DNM3: variants seen among roughly 807,000 people sequenced by gnomAD.
DNM3 encodes the protein dynamin 3.
In DNM3, 47 loss-of-function variants were observed where a neutral mutation model predicts 101.6. That is an observed-to-expected ratio of 0.46 (90% CI 0.37 to 0.59). The LOEUF is 0.59. Ranked by LOEUF, DNM3 falls within the 20% of genes least tolerant of loss-of-function variation. The pLI is 0.00. For synonymous variants in DNM3, 385 were observed against 387.9 expected (o/e 0.99, Z 0.09); for missense variants, 849 against 1,085.7 (o/e 0.78, Z 3.06).
chr1:172,076,868 T>A (rs1396549220), intron 11 of DNM3, among the ~76,000 whole-genome samples: 1 of 152,218 alleles, frequency 6.6e-6, no homozygotes, highest in Non-Finnish European at 1.5e-5. Context: ...TTCTATTGTT[T>A]GGAATAGTTT....
At chr1:171,848,833 C>G (rs1197405891) in intron 1 of DNM3, among the ~76,000 whole-genome samples, 1 of 152,080 alleles carries the variant, frequency 6.6e-6, no homozygotes, top group Non-Finnish European at 1.5e-5. Flanking sequence ...AAAAACAGAG[C>G]AGTTGTTGAG....
At chr1:171,868,415 C>T (rs2034965194) in intron 1 of DNM3, among the ~76,000 whole-genome samples, 1 of 152,104 alleles carries the variant, frequency 6.6e-6, no homozygotes, top group South Asian at 2.1e-4. Context: ...ATACTTGGTA[C>T]CCAGCCAAGT....
chr1:172,057,814 A>G (rs1032329033), intron 10 of DNM3, among the ~76,000 whole-genome samples: 30 of 151,080 alleles, frequency 2.0e-4, no homozygotes, highest in Non-Finnish European at 4.3e-4. Flanking sequence ...AGCTATCATC[A>G]TAATGACAGG....
intron 17 of DNM3, among the ~76,000 whole-genome samples, chr1:172,329,279 C>T (rs764885951): frequency 2.0e-5 from 3 of 151,368 alleles, no homozygotes; most frequent in Admixed American, 6.6e-5. Context: ...TATTGAATGT[C>T]TGGTAAAATA....
At chr1:172,219,423 T>C (rs1323413974) in intron 14 of DNM3, among the ~76,000 whole-genome samples, 2 of 148,052 alleles carry the variant, frequency 1.4e-5, no homozygotes, top group Non-Finnish European at 3.0e-5. Flanking sequence ...TCAAGAGTTC[T>C]AATATGTAAA....
intron 11 of DNM3, among the ~76,000 whole-genome samples, chr1:172,074,911 A>C (rs996719819): frequency 6.6e-6 from 1 of 152,210 alleles, no homozygotes; most frequent in African/African-American, 2.4e-5. Context: ...ACAATGGTTG[A>C]ACTAATTTAC....
chr1:172,395,934 G>T (rs181704652), intron 20 of DNM3, among the ~76,000 whole-genome samples: 1 of 152,276 alleles, frequency 6.6e-6, no homozygotes, highest in East Asian at 1.9e-4. Context: ...GTGCATTGAT[G>T]CCACATTAAG....
intron 2 of DNM3, among the ~76,000 whole-genome samples, chr1:171,962,274 A>T (rs918625990): frequency 6.6e-6 from 1 of 152,226 alleles, no homozygotes; most frequent in African/African-American, 2.4e-5. Flanking sequence ...CAGTTTATAG[A>T]CACATTCAAA....
intron 1 of DNM3, among the ~76,000 whole-genome samples, chr1:171,883,362 ACCAC>A (rs2036459016): frequency 3.4e-5 from 3 of 87,508 alleles, no homozygotes; most frequent in Non-Finnish European, 6.5e-5. Context: ...ACAAAAAAGG[ACCAC>A]ACACACACAC....
At chr1:171,975,361 C>T (rs901750393) in intron 2 of DNM3, among the ~76,000 whole-genome samples, 3 of 152,100 alleles carry the variant, frequency 2.0e-5, no homozygotes, top group East Asian at 3.9e-4. Flanking sequence ...TTTGTTTAGA[C>T]CTTTTAATGT....
At chr1:172,008,220 T>A (rs2046829728) in intron 4 of DNM3, among the ~76,000 whole-genome samples, 1 of 152,040 alleles carries the variant, frequency 6.6e-6, no homozygotes, top group African/African-American at 2.4e-5. Flanking sequence ...ATTTCATTTG[T>A]CTGTTTTTGC....
intron 16 of DNM3, among the ~76,000 whole-genome samples, chr1:172,318,416 G>T (rs1374260906): frequency 1.3e-5 from 2 of 152,126 alleles, no homozygotes; most frequent in Non-Finnish European, 2.9e-5. Flanking sequence ...GAAATAAAGG[G>T]TATTCAATTA....
chr1:172,278,457 G>T lies in DNM3; in HGVS notation c.1769+24775G>T, dbSNP rs114537012. On this transcript the variant is annotated intron_variant, in intron 15 of 20. Transcript: ENST00000627582. ...GCAAGAAAACCTCACAATGTTTTAAGAAAGTTTACGAATTCATGTTGGACC... is the reference window on the plus strand; with the variant it reads ...GCAAGAAAACCTCACAATGTTTTAATAAAGTTTACGAATTCATGTTGGACC... Among the ~76,000 whole-genome samples the T allele has an allele frequency of 4.8e-3, 729 of 152,220 alleles. 3 individuals carry two copies. Among genetic ancestry groups the T allele is most frequent in the African/African-American group, 0.017 (688 of 41,548 alleles).
At chr1:171,868,578 G>C (rs1416850860) in intron 1 of DNM3, among the ~76,000 whole-genome samples, 1 of 152,182 alleles carries the variant, frequency 6.6e-6, no homozygotes, top group Non-Finnish European at 1.5e-5. Context: ...AATTGAGTTA[G>C]AGATGTCACA....
At chr1:171,943,385 C>A (rs1176622454) in intron 2 of DNM3, among the ~76,000 whole-genome samples, 2 of 152,056 alleles carry the variant, frequency 1.3e-5, no homozygotes, top group Non-Finnish European at 2.9e-5. Flanking sequence ...CTCATTATAC[C>A]CACCTCCGTT....
chr1:172,230,116 TTTTG>T (rs571780306), intron 14 of DNM3, among the ~76,000 whole-genome samples: 281 of 152,270 alleles, frequency 1.8e-3, no homozygotes, highest in Middle Eastern at 3.4e-3. Flanking sequence ...TGTCATGGTT[TTTTG>T]TTTGTTTGTT....
At chr1:172,080,464 C>T (rs952601449) in intron 11 of DNM3, among the ~76,000 whole-genome samples, 6 of 152,142 alleles carry the variant, frequency 3.9e-5, no homozygotes, top group Non-Finnish European at 5.9e-5. Flanking sequence ...TAATGGCAGA[C>T]GCCCCTCCCC....
chr1:172,051,115 A>G (rs760172054), intron 10 of DNM3, among the ~76,000 whole-genome samples: 14 of 152,102 alleles, frequency 9.2e-5, no homozygotes, highest in Non-Finnish European at 1.9e-4. Flanking sequence ...TGAGGTTACT[A>G]TTTACCCTTT....
intron 14 of DNM3, among the ~76,000 whole-genome samples, chr1:172,179,397 C>T (rs948764023): frequency 2.0e-5 from 3 of 151,654 alleles, no homozygotes; most frequent in Admixed American, 6.6e-5. Flanking sequence ...TATGAACGTG[C>T]TTTGAAAAGT....
Sources: gnomAD v4.1 joint callset for allele counts (sites outside exome capture counted in the v4.1 genomes callset) on GRCh38, gnomAD v4.1.1 for gene constraint, MANE v1.5 for transcripts, NCBI Gene and HGNC (gene_info 2026-07-23, HGNC 2026-07-21) for gene names.